DCC: variants seen among roughly 807,000 people sequenced by gnomAD.
DCC encodes DCC netrin 1 receptor.
Under a neutral mutation model 172.5 loss-of-function variants are expected in DCC, and 58 were observed. The observed-to-expected ratio is 0.34, with a 90% CI of 0.27 to 0.42. The LOEUF is 0.42. Among genes scored for constraint, DCC ranks in the 10% least tolerant of loss-of-function variants. The pLI is 1.00. For synonymous variants in DCC, 709 were observed against 644.5 expected, an observed-to-expected ratio of 1.10 and a Z score of -1.52; for missense variants, 1,740 against 1,791.0, an observed-to-expected ratio of 0.97 and a Z score of 0.51.
intron 1 of DCC, among the ~76,000 whole-genome samples, chr18:52,347,790 C>T (rs747097711): frequency 2.6e-5 from 4 of 151,954 alleles, no homozygotes; most frequent in Non-Finnish European, 4.4e-5. Context: ...CGTATTTTTC[C>T]TTATTAAATG....
At chr18:53,445,110 C>T (rs768399504) in intron 22 of DCC, among the ~76,000 whole-genome samples, 57 of 152,122 alleles carry the variant, frequency 3.7e-4, no homozygotes, top group Non-Finnish European at 7.2e-4. Flanking sequence ...ACCCCCATAA[C>T]GCTGATAAAT....
At chr18:53,315,294 C>T (rs956314256) in intron 13 of DCC, among the ~76,000 whole-genome samples, 3 of 152,138 alleles carry the variant, frequency 2.0e-5, no homozygotes, top group African/African-American at 4.8e-5. Context: ...GACATGAACC[C>T]ATCCTTTTTA....
At chr18:52,572,714 T>C (rs894484531) in intron 1 of DCC, among the ~76,000 whole-genome samples, 2 of 152,156 alleles carry the variant, frequency 1.3e-5, no homozygotes, top group Non-Finnish European at 2.9e-5. Flanking sequence ...ACCAAGAATC[T>C]TGTGTACAGT....
chr18:53,022,499 A>G (rs1323743199), intron 5 of DCC, among the ~76,000 whole-genome samples: 3 of 151,540 alleles, frequency 2.0e-5, no homozygotes, highest in Non-Finnish European at 2.9e-5. Context: ...TCACTAAAAA[A>G]GATACATACA....
rs73457845 is a variant in DCC at position 52,631,111 on chromosome 18, G to A, written c.92-120943G>A. 3.0e-3 allele frequency among the ~76,000 whole-genome samples: 452 copies of A among 152,224 alleles called. 1 individual carries two copies. Among genetic ancestry groups the A allele is most frequent in the African/African-American group, 0.01 (417 of 41,528 alleles). ...TTTCTACACAAGTTTTGGCCGGAGG[G>A]GAGCAAGTGAGCATTATACTTTTTC... On this transcript the variant is annotated intron_variant, in intron 1 of 28. Coordinates refer to ENST00000442544, the MANE Select transcript of DCC (RefSeq NM_005215.4).
chr18:53,208,653 C>G (rs192055561), intron 11 of DCC, among the ~76,000 whole-genome samples: 1 of 152,238 alleles, frequency 6.6e-6, no homozygotes, highest in East Asian at 1.9e-4. Flanking sequence ...GACACAAACA[C>G]ACACATTTGA....
intron 2 of DCC, among the ~76,000 whole-genome samples, chr18:52,874,826 T>G (rs2039377473): frequency 2.0e-5 from 3 of 151,952 alleles, no homozygotes; most frequent in Non-Finnish European, 4.4e-5. Flanking sequence ...GGAAAGAAAC[T>G]AGATTGGTTA....
chr18:52,744,975 T>C (rs1321111596), intron 1 of DCC, among the ~76,000 whole-genome samples: 2 of 152,196 alleles, frequency 1.3e-5, no homozygotes, highest in East Asian at 3.9e-4. Flanking sequence ...ATGTGAAGAA[T>C]CAAGAATATT....
At chr18:52,601,867 T>C (rs916461146) in intron 1 of DCC, among the ~76,000 whole-genome samples, 1 of 152,076 alleles carries the variant, frequency 6.6e-6, no homozygotes, top group African/African-American at 2.4e-5. Context: ...ATTTGAGTCC[T>C]GAATAGTCAC....
chr18:53,378,169 C>T (rs1032130910), intron 15 of DCC, among the ~76,000 whole-genome samples: 4 of 151,970 alleles, frequency 2.6e-5, no homozygotes, highest in African/African-American at 7.3e-5. Flanking sequence ...GCCTGTTGGT[C>T]GGGCTGGTCT....
chr18:52,920,721 A>G (rs746969436), intron 3 of DCC, among the ~76,000 whole-genome samples: 3 of 152,176 alleles, frequency 2.0e-5, no homozygotes, highest in Non-Finnish European at 2.9e-5. Context: ...ATAAAAATGT[A>G]TGCTTGAATG....
intron 1 of DCC, among the ~76,000 whole-genome samples, chr18:52,595,653 C>T (rs569914864): frequency 2.3e-4 from 35 of 152,276 alleles, no homozygotes; most frequent in Admixed American, 1.8e-3. Context: ...CAGTCCATTC[C>T]GCTATCATCG....
chr18:53,084,303 A>G (rs1342792968), intron 7 of DCC, among the ~76,000 whole-genome samples: 1 of 152,208 alleles, frequency 6.6e-6, no homozygotes, highest in East Asian at 1.9e-4. Flanking sequence ...CCATTAATCT[A>G]TAAATGAGTT....
chr18:52,469,342 G>T (rs1212920095), intron 1 of DCC, among the ~76,000 whole-genome samples: 1 of 152,134 alleles, frequency 6.6e-6, no homozygotes, highest in Non-Finnish European at 1.5e-5. Flanking sequence ...TAAAGTGCTA[G>T]GATTACAGGC....
At chr18:53,285,794 A>G (rs900100110) in intron 12 of DCC, among the ~76,000 whole-genome samples, 2 of 152,348 alleles carry the variant, frequency 1.3e-5, no homozygotes, top group Middle Eastern at 3.4e-3. Flanking sequence ...CTTCAAAGCC[A>G]CAGGGGTAGA....
chr18:53,170,757 T>G (rs1224552948), intron 8 of DCC, among the ~76,000 whole-genome samples: 1 of 152,220 alleles, frequency 6.6e-6, no homozygotes, highest in African/African-American at 2.4e-5. Context: ...GCACATATGT[T>G]GTACTTGAGA....
chr18:52,665,980 A>G (rs1211063620), intron 1 of DCC, among the ~76,000 whole-genome samples: 1 of 152,226 alleles, frequency 6.6e-6, no homozygotes, highest in Non-Finnish European at 1.5e-5. Context: ...GATTGAAAGC[A>G]TGGTGAAGTA....
At chr18:52,909,259 T>C (rs1232694867) in intron 3 of DCC, among the ~76,000 whole-genome samples, 1 of 152,166 alleles carries the variant, frequency 6.6e-6, no homozygotes, top group East Asian at 1.9e-4. Flanking sequence ...TGTATACATG[T>C]TAATACATAC....
chr18:52,828,785 C>A (rs2038559902), intron 2 of DCC, among the ~76,000 whole-genome samples: 1 of 152,084 alleles, frequency 6.6e-6, no homozygotes, highest in African/African-American at 2.4e-5. Context: ...GAGCCAGTTA[C>A]TTTAGTAAGT....
Sources: gnomAD v4.1 joint callset for allele counts (sites outside exome capture counted in the v4.1 genomes callset) on GRCh38, gnomAD v4.1.1 for gene constraint, MANE v1.5 for transcripts, NCBI Gene and HGNC (gene_info 2026-07-23, HGNC 2026-07-21) for gene names.